ATL1: variants seen among roughly 807,000 people sequenced by gnomAD.
ATL1 encodes atlastin GTPase 1.
Under a neutral mutation model 75.5 loss-of-function variants are expected in ATL1, and 31 were observed. The observed-to-expected ratio is 0.41, with a 90% CI of 0.31 to 0.55. ATL1 has a LOEUF of 0.55. Ranked by LOEUF, ATL1 falls within the 20% of genes least tolerant of loss-of-function variation. The pLI, the probability that ATL1 is intolerant of heterozygous loss-of-function variation, is 0.27. For synonymous variants in ATL1, 226 were observed against 233.3 expected (o/e 0.97, Z 0.28); for missense variants, 405 against 662.6 (o/e 0.61, Z 4.27).
chr14:50,610,988 GT>G (rs1347110049), intron 6 of ATL1, among the ~76,000 whole-genome samples: 2 of 152,058 alleles, frequency 1.3e-5, no homozygotes, highest in Non-Finnish European at 2.9e-5. Flanking sequence ...TCTGACCACA[GT>G]GATTATTTCT....
chr14:50,625,653 C>G (rs9888575), intron 11 of ATL1, among the ~76,000 whole-genome samples: 10,548 of 152,164 alleles, frequency 0.069, 463 homozygotes, highest in African/African-American at 0.13. Flanking sequence ...CACGATGGCT[C>G]ACACCTGCAC....
intron 2 of ATL1, among the ~76,000 whole-genome samples, chr14:50,589,017 C>A (rs117059845): frequency 3.1e-3 from 465 of 152,122 alleles, no homozygotes; most frequent in Non-Finnish European, 4.6e-3. Flanking sequence ...ATGGTGGATA[C>A]CAAAGAAAAC....
chr14:50,557,372 G>T (rs1400477846), upstream of ATL1, among the ~76,000 whole-genome samples: 2 of 152,098 alleles, frequency 1.3e-5, no homozygotes, highest in Non-Finnish European at 2.9e-5. Context: ...TTCTGGTTTA[G>T]TCTTGCTGTA....
intron 1 of ATL1, among the ~76,000 whole-genome samples, chr14:50,547,061 CA>C (rs2038642926): frequency 6.6e-6 from 1 of 151,936 alleles, no homozygotes; most frequent in African/African-American, 2.4e-5. Flanking sequence ...CACATGGACA[CA>C]GGGGGAGGGG....
At chr14:50,625,528 C>T (rs1274938462) in intron 11 of ATL1, among the ~76,000 whole-genome samples, 1 of 152,206 alleles carries the variant, frequency 6.6e-6, no homozygotes, top group Non-Finnish European at 1.5e-5. Flanking sequence ...CAATGCCTGG[C>T]TTCAAAGCTT....
chr14:50,572,427 A>T (rs571663470), intron 1 of ATL1, among the ~76,000 whole-genome samples: 2 of 152,180 alleles, frequency 1.3e-5, no homozygotes, highest in Admixed American at 6.5e-5. Context: ...TTCTTGAGTC[A>T]GTTTTAGTAA....
chr14:50,594,365 G>A (rs906520441), intron 5 of ATL1, among the ~76,000 whole-genome samples: 1 of 152,152 alleles, frequency 6.6e-6, no homozygotes, highest in Non-Finnish European at 1.5e-5. Flanking sequence ...TACAATTTAA[G>A]ATGAGATTTG....
At chr14:50,549,637 C>G (rs1424552998) in intron 1 of ATL1, among the ~76,000 whole-genome samples, 1 of 152,168 alleles carries the variant, frequency 6.6e-6, no homozygotes, top group Non-Finnish European at 1.5e-5. Flanking sequence ...ATATGGCATG[C>G]TACGAAGAAT....
At chr14:50,542,238 A>G (rs1466720656) in intron 1 of ATL1, among the ~76,000 whole-genome samples, 1 of 130,474 alleles carries the variant, frequency 7.7e-6, no homozygotes, top group Non-Finnish European at 1.6e-5. Flanking sequence ...CAATGAGAAC[A>G]CGTGGACACA....
At chr14:50,556,120 T>G (rs1298096998), upstream of ATL1, among the ~76,000 whole-genome samples, 1 of 152,234 alleles carries the variant, frequency 6.6e-6, no homozygotes, top group East Asian at 1.9e-4. Flanking sequence ...TTTATTCTGA[T>G]TTAAAATGAA....
intron 1 of ATL1, among the ~76,000 whole-genome samples, chr14:50,541,351 A>T (rs1266492555): frequency 6.6e-6 from 1 of 152,216 alleles, no homozygotes; most frequent in Non-Finnish European, 1.5e-5. Flanking sequence ...CATACTTTAA[A>T]AAATACCACT....
chr14:50,584,666 G>A (rs2039085648), intron 1 of ATL1, among the ~76,000 whole-genome samples: 1 of 151,382 alleles, frequency 6.6e-6, no homozygotes, highest in Non-Finnish European at 1.5e-5. Flanking sequence ...CCGAGATCGC[G>A]CCACTGCACT....
At chr14:50,620,563 T>C (rs748852387) in intron 8 of ATL1, 36 bp from the exon 9 acceptor site, 91 of 1,599,472 alleles carry the variant, frequency 5.7e-5, no homozygotes, top group Non-Finnish European at 7.1e-5. Flanking sequence ...CTGGGAAGGA[T>C]TCCAAAAATA....
intron 2 of ATL1, among the ~76,000 whole-genome samples, chr14:50,589,490 A>C (rs1325735103): frequency 6.6e-6 from 1 of 152,140 alleles, no homozygotes; most frequent in Non-Finnish European, 1.5e-5. Context: ...AGTTCAGGGA[A>C]GGGCATATTG....
intron 1 of ATL1, among the ~76,000 whole-genome samples, chr14:50,568,658 C>G (rs983718398): frequency 3.9e-5 from 6 of 152,098 alleles, no homozygotes; most frequent in Non-Finnish European, 8.8e-5. Context: ...GAGTTTATAT[C>G]TGTTTACATT....
At chr14:50,592,712 C>A (rs1348854867) in intron 4 of ATL1, among the ~76,000 whole-genome samples, 1 of 151,466 alleles carries the variant, frequency 6.6e-6, no homozygotes, top group Admixed American at 6.6e-5. Flanking sequence ...GAGATCGAGA[C>A]CATCCTGGCT....
intron 1 of ATL1, among the ~76,000 whole-genome samples, chr14:50,545,606 G>T (rs767638671): frequency 6.6e-6 from 1 of 152,202 alleles, no homozygotes; most frequent in African/African-American, 2.4e-5. Context: ...TGCTGTTGCT[G>T]TGGTAAGACT....
At chr14:50,538,091 G>C (rs560109330) in intron 1 of ATL1, among the ~76,000 whole-genome samples, 2 of 152,298 alleles carry the variant, frequency 1.3e-5, no homozygotes, top group South Asian at 4.1e-4. Context: ...ACGTGAGAGA[G>C]GGACCTGGTG....
chr14:50,603,892 CTGTA>C (rs1395877866), intron 6 of ATL1, among the ~76,000 whole-genome samples: 2 of 152,068 alleles, frequency 1.3e-5, no homozygotes, highest in Non-Finnish European at 2.9e-5. Context: ...GATCTGAGAG[CTGTA>C]TGGATTAGAA....
Sources: allele counts gnomAD v4.1 joint callset (sites outside exome capture counted in the v4.1 genomes callset), GRCh38; gene constraint gnomAD v4.1.1; transcripts MANE v1.5; gene names NCBI Gene and HGNC (gene_info 2026-07-23, HGNC 2026-07-21).